The following DENND5B variants were observed in gnomAD, a reference collection of about 807,000 sequenced individuals.
DENND5B encodes DENN domain-containing protein 5B.
Under a neutral mutation model 140.6 loss-of-function variants are expected in DENND5B, and 34 were observed. That is an observed-to-expected ratio of 0.24 (90% confidence interval 0.18 to 0.32). The LOEUF (loss-of-function observed/expected upper bound fraction) is 0.32. DENND5B is among the 10% of genes least tolerant of loss of function. The pLI is 1.00. For synonymous variants in DENND5B, 551 were observed against 562.1 expected (o/e 0.98, Z 0.28); for missense variants, 1,142 against 1,560.2 (o/e 0.73, Z 4.52).
intron 7 of DENND5B, among the ~76,000 whole-genome samples, chr12:31,433,879 T>A (rs1048057688): frequency 6.6e-6 from 1 of 152,064 alleles, no homozygotes; most frequent in Non-Finnish European, 1.5e-5. Context: ...TTAGCCTCCT[T>A]AGCTACTTGG....
intron 16 of DENND5B, among the ~76,000 whole-genome samples, chr12:31,398,722 G>A (rs1460457706): frequency 5.9e-5 from 9 of 152,178 alleles, no homozygotes; most frequent in African/African-American, 2.2e-4. Flanking sequence ...TCCTCCCACT[G>A]AAATTATTTT....
chr12:31,464,411 C>A (rs1006546983), intron 3 of DENND5B, among the ~76,000 whole-genome samples: 1 of 152,164 alleles, frequency 6.6e-6, no homozygotes, highest in Non-Finnish European at 1.5e-5. Flanking sequence ...AGAGTACTAT[C>A]TACATGCTTC....
intron 6 of DENND5B, chr12:31,443,887 T>C (rs921998178): frequency 2.0e-5 from 3 of 152,208 alleles, no homozygotes; most frequent in African/African-American, 4.8e-5. Context: ...GATAAGAAAC[T>C]GGCCTTTTGA....
chr12:31,499,491 A>T (rs533857748), intron 1 of DENND5B: 1 of 717,918 alleles, frequency 1.4e-6, no homozygotes, highest in South Asian at 5.2e-5. Flanking sequence ...AACATAAAAT[A>T]ACATCTACAA....
At chr12:31,413,320 G>T in intron 13 of DENND5B, 116 bp downstream of exon 13, 1 of 1,215,250 alleles carries the variant, frequency 8.2e-7, no homozygotes, top group Non-Finnish European at 1.1e-6. Context: ...AAAGAAGAAT[G>T]CATGTGCACA....
intron 1 of DENND5B, among the ~76,000 whole-genome samples, chr12:31,574,267 A>AAATAATAAT (rs60548839): frequency 0.036 from 3,230 of 89,684 alleles, 136 homozygotes; most frequent in African/African-American, 0.09. Context: ...TGTCTCTAAA[A>AAATAATAAT]AATAATAATA....
intron 8 of DENND5B, among the ~76,000 whole-genome samples, chr12:31,431,472 C>G (rs1943507521): frequency 6.6e-6 from 1 of 152,170 alleles, no homozygotes; most frequent in Non-Finnish European, 1.5e-5. Context: ...AGGTCCAGCT[C>G]TGTCTTTGTG....
chr12:31,580,390 C>A (rs1950176372), intron 1 of DENND5B, among the ~76,000 whole-genome samples: 1 of 152,118 alleles, frequency 6.6e-6, no homozygotes, highest in African/African-American at 2.4e-5. Context: ...CTGTTAGATA[C>A]CTTTTTTTAG....
intron 2 of DENND5B, among the ~76,000 whole-genome samples, chr12:31,493,163 T>A (rs1259233): frequency 0.82 from 124,129 of 152,144 alleles, 50,962 homozygotes; most frequent in African/African-American, 0.89. Context: ...AGCAAGGCAG[T>A]TGAGAAAAAA....
intron 5 of DENND5B, among the ~76,000 whole-genome samples, chr12:31,449,625 T>C (rs1179751626): frequency 6.6e-6 from 1 of 152,106 alleles, no homozygotes; most frequent in Non-Finnish European, 1.5e-5. Context: ...ATTCCATTTA[T>C]ATAGTTTGAG....
chr12:31,544,831 C>A (rs1424609777), intron 1 of DENND5B, among the ~76,000 whole-genome samples: 1 of 151,936 alleles, frequency 6.6e-6, no homozygotes, highest in Non-Finnish European at 1.5e-5. Flanking sequence ...TTTATTCTTT[C>A]CCCCAAAGAA....
chr12:31,399,564 C>A (rs949053236), intron 16 of DENND5B, 90 bp downstream of exon 16: 1 of 1,029,776 alleles, frequency 9.7e-7, no homozygotes, highest in Non-Finnish European at 1.4e-6. Flanking sequence ...TAGGTGTGAG[C>A]CACTGTGCCT....
intron 1 of DENND5B, among the ~76,000 whole-genome samples, chr12:31,551,329 C>T (rs1488571500): frequency 6.6e-6 from 1 of 152,086 alleles, no homozygotes; most frequent in Non-Finnish European, 1.5e-5. Flanking sequence ...AATCCTTTCC[C>T]CATTGCTTGT....
intron 1 of DENND5B, among the ~76,000 whole-genome samples, chr12:31,540,206 A>T (rs912746930): frequency 9.9e-5 from 15 of 152,236 alleles, no homozygotes; most frequent in African/African-American, 3.6e-4. Flanking sequence ...CACTGGAGCA[A>T]GAAATTGAAA....
intron 4 of DENND5B, among the ~76,000 whole-genome samples, chr12:31,455,666 A>G (rs1403558234): frequency 1.3e-5 from 2 of 152,190 alleles, no homozygotes; most frequent in Non-Finnish European, 2.9e-5. Flanking sequence ...TTAGGACTAA[A>G]TATTTCTACT....
intron 3 of DENND5B, among the ~76,000 whole-genome samples, chr12:31,468,548 TG>T (rs1245816798): frequency 6.6e-6 from 1 of 152,138 alleles, no homozygotes; most frequent in Admixed American, 6.5e-5. Context: ...GGCTCATACC[TG>T]TGATCCCAGC....
intron 3 of DENND5B, chr12:31,465,957 A>C (rs1306107747): frequency 6.6e-6 from 1 of 152,332 alleles, no homozygotes; most frequent in Non-Finnish European, 1.5e-5. Context: ...TGACCAAAAA[A>C]TGTCAAAGAA....
intron 1 of DENND5B, among the ~76,000 whole-genome samples, chr12:31,578,402 T>G (rs760434993): frequency 6.6e-6 from 1 of 152,198 alleles, no homozygotes. Context: ...GACTGACTAC[T>G]TCTGCAGTGA....
chr12:31,537,186 CTG>C (rs1565674581), intron 1 of DENND5B, among the ~76,000 whole-genome samples: 3 of 152,190 alleles, frequency 2.0e-5, no homozygotes, highest in African/African-American at 2.4e-5. Context: ...CAGAATAACA[CTG>C]TAACTGTGGT....
Sources: allele counts gnomAD v4.1 joint callset (sites outside exome capture counted in the v4.1 genomes callset), GRCh38; gene constraint gnomAD v4.1.1; transcripts MANE v1.5; gene names NCBI Gene and HGNC (gene_info 2026-07-23, HGNC 2026-07-21).